Variants in CLEC16A observed in about 807,000 individuals in gnomAD.
CLEC16A encodes the protein protein CLEC16A.
CLEC16A carries 51 observed loss-of-function variants against 109.5 expected under a neutral mutation model. The observed-to-expected ratio is 0.47, with a 90% confidence interval of 0.37 to 0.59. CLEC16A has a LOEUF of 0.59. CLEC16A is among the 20% of genes least tolerant of loss of function. CLEC16A has a pLI of 0.00. For missense variants in CLEC16A, 1,339 were observed against 1,394.0 expected, an observed-to-expected ratio of 0.96 and a Z score of 0.63; for synonymous variants, 673 against 564.2, an observed-to-expected ratio of 1.19 and a Z score of -2.73.
chr16:11,118,340 A>T (rs1003732375), intron 19 of CLEC16A, among the ~76,000 whole-genome samples: 1 of 149,582 alleles, frequency 6.7e-6, no homozygotes, highest in Non-Finnish European at 1.5e-5. Flanking sequence ...GCCTTTTCTC[A>T]TTTAACGCAC....
intron 19 of CLEC16A, among the ~76,000 whole-genome samples, chr16:11,097,356 CCCTTGACAGGTT>C (rs1298182715): frequency 6.6e-6 from 1 of 152,202 alleles, no homozygotes; most frequent in Non-Finnish European, 1.5e-5. Flanking sequence ...AGCTCCCTCG[CCCTTGACAGGTT>C]TCTTTCTCTG....
chr16:11,043,401 C>T (rs1175271842), intron 15 of CLEC16A, among the ~76,000 whole-genome samples: 2 of 152,114 alleles, frequency 1.3e-5, no homozygotes, highest in East Asian at 3.8e-4. Flanking sequence ...CAGATTGAGA[C>T]TGTCTTGGAA....
chr16:10,986,591 GAGTTTGACAATTTT>G (rs2043672277), intron 10 of CLEC16A, among the ~76,000 whole-genome samples: 2 of 152,078 alleles, frequency 1.3e-5, no homozygotes, highest in African/African-American at 4.8e-5. Flanking sequence ...CTCTCTGCAT[GAGTTTGACAATTTT>G]AGATACCTCG....
intron 22 of CLEC16A, among the ~76,000 whole-genome samples, chr16:11,163,987 G>A (rs2054815461): frequency 6.6e-6 from 1 of 152,160 alleles, no homozygotes; most frequent in South Asian, 2.1e-4. Flanking sequence ...TATAAAACTG[G>A]TTCCATGAGG....
intron 19 of CLEC16A, among the ~76,000 whole-genome samples, chr16:11,090,017 C>A (rs911926440): frequency 1.3e-5 from 2 of 152,194 alleles, no homozygotes; most frequent in African/African-American, 2.4e-5. Context: ...CTCAGAATAT[C>A]TGTTTAGACA....
intron 19 of CLEC16A, among the ~76,000 whole-genome samples, chr16:11,081,301 T>C (rs2049701581): frequency 6.6e-6 from 1 of 152,194 alleles, no homozygotes; most frequent in African/African-American, 2.4e-5. Context: ...GTTAAAATTC[T>C]TCCCTCAGCC....
chr16:11,061,295 G>A (rs2048467853), intron 19 of CLEC16A, among the ~76,000 whole-genome samples: 1 of 152,120 alleles, frequency 6.6e-6, no homozygotes, highest in Non-Finnish European at 1.5e-5. Flanking sequence ...AAGCAAGGGT[G>A]AACAAACTCC....
At chr16:11,011,922 T>TG (rs950684829) in intron 11 of CLEC16A, among the ~76,000 whole-genome samples, 13 of 152,294 alleles carry the variant, frequency 8.5e-5, no homozygotes, top group African/African-American at 3.1e-4. Flanking sequence ...CTCACTGATT[T>TG]GCCCAATCTT....
intron 18 of CLEC16A, among the ~76,000 whole-genome samples, chr16:11,054,572 C>G (rs1479330456): frequency 6.6e-6 from 1 of 152,188 alleles, no homozygotes; most frequent in Non-Finnish European, 1.5e-5. Flanking sequence ...AAGCAACTCT[C>G]AAGTCCTCCC....
chr16:11,030,889 C>T (rs916386579), intron 13 of CLEC16A, among the ~76,000 whole-genome samples: 1 of 152,244 alleles, frequency 6.6e-6, no homozygotes, highest in Admixed American at 6.5e-5. Context: ...AAGTGATACA[C>T]CCGCCTCAGC....
intron 2 of CLEC16A, among the ~76,000 whole-genome samples, 166 bp downstream of exon 2, chr16:10,958,076 A>C (rs1292361475): frequency 2.6e-5 from 4 of 151,688 alleles, no homozygotes; most frequent in Admixed American, 6.6e-5. Flanking sequence ...ATGCCCTTGA[A>C]GCACTATAGA....
intron 19 of CLEC16A, among the ~76,000 whole-genome samples, chr16:11,068,202 C>T (rs912870850): frequency 2.6e-5 from 4 of 152,172 alleles, no homozygotes; most frequent in South Asian, 2.1e-4. Context: ...ATGAGAACAG[C>T]GATGCCCAAC....
At chr16:11,159,212 C>G (rs1183300874) in intron 22 of CLEC16A, among the ~76,000 whole-genome samples, 1 of 152,234 alleles carries the variant, frequency 6.6e-6, no homozygotes, top group Non-Finnish European at 1.5e-5. Context: ...CTCTACCAGG[C>G]CCTGCCATCT....
intron 16 of CLEC16A, among the ~76,000 whole-genome samples, chr16:11,045,426 G>A (rs1356805875): frequency 6.6e-6 from 1 of 152,166 alleles, no homozygotes; most frequent in Admixed American, 6.6e-5. Flanking sequence ...TTGATATCTT[G>A]TGAAGGCTCA....
chr16:11,067,868 G>C (rs755758985), intron 19 of CLEC16A, among the ~76,000 whole-genome samples: 14 of 152,160 alleles, frequency 9.2e-5, no homozygotes, highest in Non-Finnish European at 1.8e-4. Flanking sequence ...TAGGTACAGG[G>C]GCTTTTATTG....
intron 15 of CLEC16A, among the ~76,000 whole-genome samples, chr16:11,042,584 T>C (rs1238887359): frequency 6.6e-6 from 1 of 152,248 alleles, no homozygotes; most frequent in Non-Finnish European, 1.5e-5. Flanking sequence ...TAATTGAGTT[T>C]TAGTAGTTTC....
At chr16:11,053,745 C>T (rs1406502837) in intron 18 of CLEC16A, among the ~76,000 whole-genome samples, 1 of 152,158 alleles carries the variant, frequency 6.6e-6, no homozygotes, top group Admixed American at 6.6e-5. Flanking sequence ...GTAGCTGAGC[C>T]ACAAGTCAGC....
chr16:11,064,940 ACT>A (rs2152914006), intron 19 of CLEC16A, among the ~76,000 whole-genome samples: 1 of 152,274 alleles, frequency 6.6e-6, no homozygotes, highest in Admixed American at 6.5e-5. Flanking sequence ...GCAAGCTGAA[ACT>A]CATCCTGCTG....
At chr16:11,093,508 AG>A (rs1183489056) in intron 19 of CLEC16A, among the ~76,000 whole-genome samples, 15 of 152,192 alleles carry the variant, frequency 9.9e-5, no homozygotes, top group Admixed American at 9.8e-4. Context: ...CCCGGACTCA[AG>A]GGTTGGAAGG....
Sources: allele counts gnomAD v4.1 joint callset (sites outside exome capture counted in the v4.1 genomes callset), GRCh38; gene constraint gnomAD v4.1.1; transcripts MANE v1.5; gene names NCBI Gene and HGNC (gene_info 2026-07-23, HGNC 2026-07-21).